The following NAALADL2 variants were observed in gnomAD, a reference collection of about 807,000 sequenced individuals.
NAALADL2 encodes the protein N-acetylated alpha-linked acidic dipeptidase like 2.
A neutral mutation model predicts 87.2 loss-of-function variants in NAALADL2; 76 were observed. The observed-to-expected ratio is 0.87, with a 90% CI of 0.72 to 1.05. The LOEUF is 1.05. Among genes scored for constraint, NAALADL2 ranks in the 50% least tolerant of loss-of-function variants. The probability of loss-of-function intolerance (pLI) is 0.00; values close to 1 mark genes in which losing one functional copy is unlikely to be tolerated. For missense variants in NAALADL2, 1,089 were observed against 945.8 expected, an observed-to-expected ratio of 1.15 and a Z score of -1.99; for synonymous variants, 354 against 331.0, an observed-to-expected ratio of 1.07 and a Z score of -0.75.
At chr3:174,982,213 G>A (rs1379763815) in intron 1 of NAALADL2, among the ~76,000 whole-genome samples, 5 of 152,114 alleles carry the variant, frequency 3.3e-5, no homozygotes, top group Non-Finnish European at 5.9e-5. Flanking sequence ...AGAGATAAAA[G>A]CTATGTCTAG....
chr3:175,487,630 T>C (rs1319402936), intron 9 of NAALADL2: 5 of 412,286 alleles, frequency 1.2e-5, no homozygotes, highest in African/African-American at 8.3e-5. Context: ...CCTATGAAGA[T>C]ATTAAATATT....
At chr3:175,341,420 CT>C (rs1174657799) in intron 5 of NAALADL2, among the ~76,000 whole-genome samples, 2 of 152,042 alleles carry the variant, frequency 1.3e-5, no homozygotes, top group Admixed American at 6.6e-5. Flanking sequence ...GACATTTGGT[CT>C]TTTTTCACTT....
intron 1 of NAALADL2, among the ~76,000 whole-genome samples, chr3:174,506,913 C>T (rs1055954416): frequency 7.2e-5 from 11 of 151,900 alleles, no homozygotes; most frequent in African/African-American, 2.7e-4. Context: ...TAAGTAATAA[C>T]TCCTTGTATT....
At chr3:175,111,070 A>G (rs1325662088) in intron 2 of NAALADL2, among the ~76,000 whole-genome samples, 3 of 151,706 alleles carry the variant, frequency 2.0e-5, no homozygotes, top group Non-Finnish European at 4.4e-5. Flanking sequence ...TGGGAGAAAG[A>G]GTCAACAACA....
intron 1 of NAALADL2, among the ~76,000 whole-genome samples, chr3:174,469,604 G>GT (rs898725459): frequency 7.2e-5 from 11 of 151,830 alleles, no homozygotes; most frequent in South Asian, 2.1e-4. Context: ...AATTTTTTCT[G>GT]TTTTTTCAGT....
In NAALADL2 at chr3:175,737,404, T is replaced by A; in HGVS notation, c.1990+5T>A. On this transcript the variant is annotated splice_donor_5th_base_variant and intron_variant, in intron 12 of 13. Coordinates refer to ENST00000454872, the MANE Select transcript of NAALADL2 (RefSeq NM_207015.3). Reference sequence around the variant, plus strand: ...AAGTTCAAAACAACCTTAAAGGTAATTTTCCTTTGAATTATAGTAATTTTA... The same window carrying A: ...AAGTTCAAAACAACCTTAAAGGTAAATTTCCTTTGAATTATAGTAATTTTA... The A allele has an allele frequency of 6.5e-7, 1 of 1,532,494 alleles. No homozygotes were observed. The highest frequency in any genetic ancestry group is 9.0e-7 in the Non-Finnish European group (1 of 1,107,872). 94.9% of individuals were successfully genotyped at this position (1,532,494 alleles called of 1,614,324 possible).
chr3:175,773,888 C>T (rs1381458058), intron 13 of NAALADL2, among the ~76,000 whole-genome samples: 1 of 152,048 alleles, frequency 6.6e-6, no homozygotes, highest in Non-Finnish European at 1.5e-5. Context: ...ATGAAGCCAA[C>T]TATATAGCCA....
intron 1 of NAALADL2, among the ~76,000 whole-genome samples, chr3:174,935,946 A>G (rs747243923): frequency 1.3e-5 from 2 of 152,176 alleles, no homozygotes; most frequent in Non-Finnish European, 2.9e-5. Context: ...TGCATTTGCT[A>G]TATTTCTTTT....
chr3:175,799,017 T>TGTTACAACTCATTTA (rs1402508385), intron 13 of NAALADL2, among the ~76,000 whole-genome samples: 11 of 152,086 alleles, frequency 7.2e-5, no homozygotes, highest in Admixed American at 5.2e-4. Context: ...CTAGTTGCAA[T>TGTTACAACTCATTTA]GTTACAACTC....
chr3:174,712,388 T>TC (rs1202145989), intron 2 of NAALADL2, among the ~76,000 whole-genome samples: 1 of 130,204 alleles, frequency 7.7e-6, no homozygotes, highest in Non-Finnish European at 1.6e-5. Flanking sequence ...TTCTTTTTTT[T>TC]TTTTTTTTTT....
intron 3 of NAALADL2, among the ~76,000 whole-genome samples, chr3:174,778,449 T>TA (rs200937846): frequency 0.28 from 43,258 of 151,854 alleles, 6,239 homozygotes; most frequent in Middle Eastern, 0.34. Flanking sequence ...AGGGCTACTC[T>TA]GCACCAGGTT....
At chr3:174,569,497 CT>C (rs1714674485) in intron 2 of NAALADL2, among the ~76,000 whole-genome samples, 1 of 152,088 alleles carries the variant, frequency 6.6e-6, no homozygotes, top group Admixed American at 6.6e-5. Context: ...TTGCCATCCT[CT>C]CTGTCATTTT....
At chr3:175,696,170 A>G (rs889783721) in intron 11 of NAALADL2, among the ~76,000 whole-genome samples, 5 of 152,192 alleles carry the variant, frequency 3.3e-5, no homozygotes, top group Admixed American at 3.3e-4. Flanking sequence ...TTCTTATTCA[A>G]AAACGTTTAT....
intron 2 of NAALADL2, among the ~76,000 whole-genome samples, chr3:175,142,607 CT>C (rs111597871): frequency 0.098 from 14,716 of 150,922 alleles, 2,057 homozygotes; most frequent in African/African-American, 0.32. Flanking sequence ...TATTACTGCA[CT>C]TTTTTTTTTA....
In NAALADL2 at chr3:175,298,569, A is replaced by C. The variant is rs115706686; in HGVS notation, c.940-25606A>C. Among the ~76,000 whole-genome samples the C allele has an allele frequency of 4.9e-3, 747 of 152,278 alleles. 10 individuals carry two copies. The highest frequency in any genetic ancestry group is 0.017 in the African/African-American group (712 of 41,566). On this transcript the variant is annotated intron_variant, in intron 4 of 13. Transcript: ENST00000454872. ...TATCCAACTATACATCTAAAAATCCATCAAATTTTCAAATCTCTCTGCTTG... is the reference window on the plus strand; with the variant it reads ...TATCCAACTATACATCTAAAAATCCCTCAAATTTTCAAATCTCTCTGCTTG...
At chr3:174,929,794 C>G (rs1055532647) in intron 1 of NAALADL2, among the ~76,000 whole-genome samples, 5 of 152,210 alleles carry the variant, frequency 3.3e-5, no homozygotes, top group South Asian at 2.1e-4. Flanking sequence ...GGACTCTTCT[C>G]CCTGTTTGCT....
intron 11 of NAALADL2, among the ~76,000 whole-genome samples, chr3:175,700,856 A>T (rs1738894403): frequency 1.3e-5 from 2 of 152,186 alleles, no homozygotes; most frequent in Non-Finnish European, 2.9e-5. Context: ...AAATCCCATC[A>T]GTCTAAAGTA....
At chr3:175,721,272 G>A (rs1022159513) in intron 11 of NAALADL2, among the ~76,000 whole-genome samples, 6 of 151,790 alleles carry the variant, frequency 4.0e-5, no homozygotes, top group African/African-American at 1.2e-4. Context: ...TAAAAGAACA[G>A]GGGAAAAACT....
intron 1 of NAALADL2, among the ~76,000 whole-genome samples, chr3:174,475,727 T>G (rs1717172345): frequency 6.6e-6 from 1 of 152,026 alleles, no homozygotes; most frequent in African/African-American, 2.4e-5. Context: ...AAAACACGAC[T>G]TCTTCCTTTG....
Sources: allele counts gnomAD v4.1 joint callset (sites outside exome capture counted in the v4.1 genomes callset), GRCh38; gene constraint gnomAD v4.1.1; transcripts MANE v1.5; gene names NCBI Gene and HGNC (gene_info 2026-07-23, HGNC 2026-07-21).